FIGN: variants seen among roughly 807,000 people sequenced by gnomAD.
FIGN encodes fidgetin, microtubule severing factor.
FIGN carries 11 observed loss-of-function variants against 51.3 expected under a neutral mutation model. The observed-to-expected ratio is 0.21, with a 90% CI of 0.13 to 0.35. The LOEUF is 0.35. Among genes scored for constraint, FIGN ranks in the 10% least tolerant of loss-of-function variants. FIGN has a pLI of 1.00. For synonymous variants in FIGN, 407 were observed against 363.2 expected (o/e 1.12, Z -1.37); for missense variants, 857 against 943.6 (o/e 0.91, Z 1.20).
intron 2 of FIGN, among the ~76,000 whole-genome samples, chr2:163,644,447 A>G (rs976245533): frequency 1.1e-4 from 17 of 152,200 alleles, no homozygotes; most frequent in Non-Finnish European, 5.9e-5. Context: ...GTTGATGAGG[A>G]TGTGGCAAAA....
chr2:163,673,602 T>C (rs1298198973), intron 2 of FIGN, among the ~76,000 whole-genome samples: 3 of 152,114 alleles, frequency 2.0e-5, no homozygotes, highest in East Asian at 3.9e-4. Context: ...GATCTAGTAA[T>C]GAAGCCATAC....
At position 163,720,991 on chromosome 2, in the gene FIGN, T is replaced by G. The variant is rs530557520; in HGVS notation, c.25+13912A>C. Among the ~76,000 whole-genome samples, 10 of 151,676 alleles carry G rather than the reference T, an allele frequency of 6.6e-5. No individual in the cohort carries two copies. The South Asian group carries it at 2.1e-3, about 32-fold the overall frequency. Reference sequence around the variant, plus strand: ...GGGTCAAAATAAATAAATAAGTAAATAAAAAGAAAGGGAAGGAAGGAGGAA... The same window carrying G: ...GGGTCAAAATAAATAAATAAGTAAAGAAAAAGAAAGGGAAGGAAGGAGGAA... On this transcript the variant is annotated intron_variant, in intron 2 of 2. Transcript: ENST00000333129.
chr2:163,621,505 GT>G (rs1682972039), intron 2 of FIGN, among the ~76,000 whole-genome samples: 1 of 152,106 alleles, frequency 6.6e-6, no homozygotes, highest in South Asian at 2.1e-4. Context: ...GTTACGTGTT[GT>G]TTTTTTCCAA....
At chr2:163,635,297 G>C (rs1683208137) in intron 2 of FIGN, among the ~76,000 whole-genome samples, 2 of 152,198 alleles carry the variant, frequency 1.3e-5, no homozygotes, top group Admixed American at 6.5e-5. Flanking sequence ...GCTGGGTGTA[G>C]TGGTTCACAC....
chr2:163,619,756 T>G (rs1682937184), intron 2 of FIGN, among the ~76,000 whole-genome samples: 1 of 152,100 alleles, frequency 6.6e-6, no homozygotes, highest in African/African-American at 2.4e-5. Context: ...AGAAACCATA[T>G]CATTTAAAGC....
chr2:163,660,714 TAC>T (rs1357332691), intron 2 of FIGN, among the ~76,000 whole-genome samples: 1 of 102,860 alleles, frequency 9.7e-6, no homozygotes, highest in African/African-American at 3.2e-5. Flanking sequence ...TATACACATA[TAC>T]ATATATATGT....
intron 2 of FIGN, among the ~76,000 whole-genome samples, chr2:163,668,477 G>A (rs1472803003): frequency 1.3e-5 from 2 of 152,212 alleles, no homozygotes; most frequent in Non-Finnish European, 2.9e-5. Context: ...GCAGGACAGT[G>A]AGTGGTGAGC....
At chr2:163,698,785 A>C (rs964463365) in intron 2 of FIGN, among the ~76,000 whole-genome samples, 1 of 152,184 alleles carries the variant, frequency 6.6e-6, no homozygotes. Context: ...CTTTTGAAAC[A>C]TGCAGAATTC....
intron 2 of FIGN, among the ~76,000 whole-genome samples, chr2:163,696,477 T>C (rs975494377): frequency 1.3e-5 from 2 of 152,302 alleles, no homozygotes; most frequent in African/African-American, 2.4e-5. Context: ...GGATGAAATA[T>C]CGCTGCAAGT....
intron 2 of FIGN, among the ~76,000 whole-genome samples, chr2:163,643,932 C>CAATAAAAAAAA (rs1683343845): frequency 5.2e-5 from 1 of 19,078 alleles, no homozygotes; most frequent in Non-Finnish European, 9.6e-5. Flanking sequence ...AACTCTGTCT[C>CAATAAAAAAAA]AAAAAAAAAA....
chr2:163,679,517 AT>A (rs1192435711), intron 2 of FIGN, among the ~76,000 whole-genome samples: 1 of 151,116 alleles, frequency 6.6e-6, no homozygotes, highest in African/African-American at 2.4e-5. Flanking sequence ...AATGTACACT[AT>A]TTGAGCTAAC....
chr2:163,686,089 T>A (rs1341182299), intron 2 of FIGN, among the ~76,000 whole-genome samples: 1 of 152,210 alleles, frequency 6.6e-6, no homozygotes, highest in African/African-American at 2.4e-5. Flanking sequence ...ATTGAAATAG[T>A]ACAAAAGCAA....
At position 163,649,249 on chromosome 2, in the gene FIGN, C is replaced by G. The variant is rs534957734; in HGVS notation, c.26-37443G>C. Among the ~76,000 whole-genome samples, 5 of 152,298 alleles carry G rather than the reference C, an allele frequency of 3.3e-5. No individual in the cohort carries two copies. The South Asian group carries it at 1.0e-3, about 32-fold the overall frequency. ...TGGTAGCTAGTTTCCAAATGGCCTC[C>G]AATGAGCCATACTCCTCAGATATTT... On this transcript the variant is annotated intron_variant, in intron 2 of 2. Transcript: ENST00000333129.
chr2:163,646,790 A>G (rs1342691710), intron 2 of FIGN, among the ~76,000 whole-genome samples: 1 of 152,242 alleles, frequency 6.6e-6, no homozygotes, highest in Non-Finnish European at 1.5e-5. Context: ...TGGCTTGCCA[A>G]CACATCTCAC....
intron 2 of FIGN, among the ~76,000 whole-genome samples, chr2:163,621,700 AT>A (rs1290664566): frequency 6.6e-6 from 1 of 152,134 alleles, no homozygotes. Flanking sequence ...GGATCCTCTG[AT>A]TTCCAGATAG....
At chr2:163,731,572 C>T (rs566348334) in intron 2 of FIGN, among the ~76,000 whole-genome samples, 11 of 151,878 alleles carry the variant, frequency 7.2e-5, no homozygotes, top group Non-Finnish European at 1.5e-4. Flanking sequence ...AAAAAAATAT[C>T]AGCCCTGGAA....
At chr2:163,701,173 T>G (rs951674632) in intron 2 of FIGN, among the ~76,000 whole-genome samples, 4 of 152,188 alleles carry the variant, frequency 2.6e-5, no homozygotes, top group African/African-American at 9.6e-5. Context: ...CCTCTGCAAC[T>G]TCTTAATTGT....
At chr2:163,674,096 A>C (rs1263960570) in intron 2 of FIGN, among the ~76,000 whole-genome samples, 1 of 152,160 alleles carries the variant, frequency 6.6e-6, no homozygotes, top group East Asian at 1.9e-4. Context: ...TGGTTTTCTC[A>C]CTTCTCTCTC....
intron 2 of FIGN, among the ~76,000 whole-genome samples, chr2:163,729,075 A>G (rs1353424563): frequency 6.6e-6 from 1 of 152,214 alleles, no homozygotes; most frequent in Admixed American, 6.5e-5. Context: ...GCATGAAAGT[A>G]GAGTTTACCC....
Sources: gnomAD v4.1 joint callset for allele counts (sites outside exome capture counted in the v4.1 genomes callset) on GRCh38, gnomAD v4.1.1 for gene constraint, MANE v1.5 for transcripts, NCBI Gene and HGNC (gene_info 2026-07-23, HGNC 2026-07-21) for gene names.